The following SEPTIN2 variants were observed in gnomAD, a reference collection of about 807,000 sequenced individuals.
SEPTIN2 encodes septin 2.
SEPTIN2 carries 34 observed loss-of-function variants against 46.5 expected under a neutral mutation model. That is an observed-to-expected ratio of 0.73 (90% CI 0.56 to 0.97). The LOEUF (loss-of-function observed/expected upper bound fraction) is 0.97. SEPTIN2 is among the 50% of genes least tolerant of loss of function. The pLI, the probability that SEPTIN2 is intolerant of heterozygous loss-of-function variation, is 0.00. For synonymous variants in SEPTIN2, 175 were observed against 153.4 expected (o/e 1.14, Z -1.04); for missense variants, 347 against 448.4 (o/e 0.77, Z 2.04).
At chr2:241,338,877 A>ATATCTATAATATATATTATATATAT (rs1232821689) in intron 7 of SEPTIN2, among the ~76,000 whole-genome samples, 23 of 64,520 alleles carry the variant, frequency 3.6e-4, no homozygotes, top group African/African-American at 1.3e-3. Flanking sequence ...TATATTTAAT[A>ATATCTATAATATATATTATATATAT]TATCTATAAT....
intron 1 of SEPTIN2, among the ~76,000 whole-genome samples, chr2:241,322,995 T>C (rs940376785): frequency 5.3e-5 from 8 of 152,180 alleles, no homozygotes; most frequent in Non-Finnish European, 8.8e-5. Flanking sequence ...TGCGTACATA[T>C]ATATATACAG....
chr2:241,349,277 A>T (rs2060560569), intron 11 of SEPTIN2, among the ~76,000 whole-genome samples: 1 of 151,470 alleles, frequency 6.6e-6, no homozygotes, highest in African/African-American at 2.4e-5. Context: ...GCTGAGGCAG[A>T]AGGATCCCCT....
At chr2:241,338,073 T>C (rs2080334913) in intron 7 of SEPTIN2, among the ~76,000 whole-genome samples, 1 of 152,220 alleles carries the variant, frequency 6.6e-6, no homozygotes, top group African/African-American at 2.4e-5. Flanking sequence ...CCATGGGAGT[T>C]AAATGACTCA....
At chr2:241,337,613 G>C (rs2080247932) in intron 6 of SEPTIN2, 60 bp from the exon 7 acceptor site, 3 of 1,579,128 alleles carry the variant, frequency 1.9e-6, no homozygotes, top group Non-Finnish European at 2.6e-6. Flanking sequence ...GATAATTTGA[G>C]AGAGAAGAGT....
intron 3 of SEPTIN2, among the ~76,000 whole-genome samples, chr2:241,333,652 C>T (rs1172635942): frequency 5.9e-5 from 9 of 151,542 alleles, no homozygotes; most frequent in African/African-American, 7.2e-5. Flanking sequence ...TACAGGCGCC[C>T]GCCACCACGC....
In SEPTIN2 at chr2:241,326,081, A is replaced by G. The variant is rs780994814; in HGVS notation, c.98A>G (p.Lys33Arg). The change falls in exon 3 of 13, where the codon AAA (lysine) becomes AGA (arginine). Residue 33 changes from lysine to arginine, a missense_variant. Coordinates refer to ENST00000391971, the MANE Select transcript of SEPTIN2 (RefSeq NM_004404.5). ...LPNQVHRKSV[K>R]KGFEFTLMVV... Reference sequence around the variant, plus strand: ...AATCAAGTTCACCGAAAATCAGTGAAAAAAGGTTTTGAGTTCACACTGATG... The same window carrying G: ...AATCAAGTTCACCGAAAATCAGTGAGAAAAGGTTTTGAGTTCACACTGATG... 3 of 1,613,924 alleles carry G rather than the reference A, an allele frequency of 1.9e-6. No homozygotes were observed. The highest frequency in any genetic ancestry group is 2.2e-5 in the South Asian group (2 of 91,040).
chr2:241,322,054 T>C (rs1160374781), intron 1 of SEPTIN2, among the ~76,000 whole-genome samples: 1 of 152,180 alleles, frequency 6.6e-6, no homozygotes, highest in Non-Finnish European at 1.5e-5. Flanking sequence ...ACACTGGGGA[T>C]GCAGGGATCT....
intron 1 of SEPTIN2, chr2:241,317,649 AT>A: frequency 1.4e-6 from 1 of 730,616 alleles, no homozygotes; most frequent in Non-Finnish European, 1.7e-6. Flanking sequence ...CATGCCACTT[AT>A]CCCTGCCCCA....
chr2:241,335,869 T>G, intron 4 of SEPTIN2, 106 bp from the exon 5 acceptor site: 1 of 1,424,292 alleles, frequency 7.0e-7, no homozygotes, highest in African/African-American at 1.4e-5. Flanking sequence ...TTGGAGAACC[T>G]ACCTCTGTAG....
intron 1 of SEPTIN2, 114 bp from the exon 2 acceptor site, chr2:241,324,102 G>T: frequency 1.1e-6 from 1 of 905,144 alleles, no homozygotes; most frequent in East Asian, 2.5e-5. Flanking sequence ...TTTTTACATT[G>T]CCTATGTATG....
At chr2:241,346,794 G>T (rs1292052188) in intron 10 of SEPTIN2, among the ~76,000 whole-genome samples, 2 of 151,956 alleles carry the variant, frequency 1.3e-5, no homozygotes, top group African/African-American at 2.4e-5. Context: ...CCAGAGGCTT[G>T]TGTCGAGTTC....
intron 1 of SEPTIN2, chr2:241,318,125 AAAAAAAACAGG>A (rs1434533868): frequency 6.7e-6 from 1 of 149,516 alleles, no homozygotes; most frequent in Non-Finnish European, 1.5e-5. Flanking sequence ...GTTTCAGAAA[AAAAAAAACAGG>A]AAAAAAAAAA....
chr2:241,326,186 C>T lies in SEPTIN2; in HGVS notation c.130+73C>T, dbSNP rs1216248533. ...CTTTCCAATCTCTGGAGTATGATAA[C>T]GTGACCTATAAAGAAAGAGGAAAAT... On this transcript the variant is annotated intron_variant, in intron 3 of 12. Transcript: ENST00000391971. 39 of 1,409,372 alleles carry T rather than the reference C, an allele frequency of 2.8e-5. 1 individual carries two copies. The highest frequency in any genetic ancestry group is 2.5e-4 in the South Asian group (17 of 68,498). The allele number at this position is 1,409,372 out of a possible 1,614,324, so 87.3% of individuals were successfully genotyped here.
intron 7 of SEPTIN2, 101 bp downstream of exon 7, chr2:241,337,891 G>C: frequency 1.4e-6 from 1 of 712,498 alleles, no homozygotes; most frequent in East Asian, 2.8e-5. Flanking sequence ...CAGGTGTCGG[G>C]AGGCAGGGCG....
intron 1 of SEPTIN2, 80 bp from the exon 2 acceptor site, chr2:241,324,136 C>T: frequency 7.5e-7 from 1 of 1,326,738 alleles, no homozygotes; most frequent in Non-Finnish European, 1.1e-6. Context: ...CAGGTCAGTT[C>T]ACGCTGTTAA....
rs79091937 is a variant in SEPTIN2 at position 241,317,353 on chromosome 2, G to A, written c.-18+1371G>A. The A allele has an allele frequency of 2.5e-3, 427 of 173,908 alleles. 17 individuals are homozygous for A. In the East Asian group the frequency reaches 0.074, roughly 30 times the overall value. 10.8% of individuals were successfully genotyped at this position (173,908 alleles called of 1,614,324 possible). ...TTTCTCTCACCAGTGCCACAGCCAG[G>A]AATAAAGAACAAGAGCGTTTTAATT... On this transcript the variant is annotated intron_variant, in intron 1 of 12. Coordinates refer to ENST00000391971, the MANE Select transcript of SEPTIN2 (RefSeq NM_004404.5).
chr2:241,340,331 C>T (rs2081086284), intron 7 of SEPTIN2, among the ~76,000 whole-genome samples: 1 of 152,178 alleles, frequency 6.6e-6, no homozygotes, highest in Non-Finnish European at 1.5e-5. Context: ...TGACTTAACA[C>T]ATATACTTAT....
Position 241,353,614 on chromosome 2 carries a change from T to C in SEPTIN2, c.*1677T>C, listed in dbSNP as rs188670532. 2.0e-5 allele frequency: 3 copies of C among 152,480 alleles called. No individual in the cohort carries two copies. Among genetic ancestry groups the C allele is most frequent in the East Asian group, 1.9e-4 (1 of 5,194 alleles). 9.4% of individuals were successfully genotyped at this position (152,480 alleles called of 1,614,324 possible). A position where few individuals can be genotyped will look rare whatever the true frequency, so the allele number is the denominator to read the frequency against. On this transcript the variant is annotated 3_prime_UTR_variant, in exon 13 of 13. Transcript: ENST00000391971. ...GTGAACAGCCAAAAGCTATATGTTATGGCTTATTGTGTGAAGGTAACTAAG... is the reference window on the plus strand; with the variant it reads ...GTGAACAGCCAAAAGCTATATGTTACGGCTTATTGTGTGAAGGTAACTAAG...
In SEPTIN2 at chr2:241,346,246, G is replaced by T. The variant is rs1185136214; in HGVS notation, c.923G>T (p.Gly308Val). 3 of 1,613,242 alleles carry T rather than the reference G, an allele frequency of 1.9e-6. No homozygotes were observed. In the South Asian group the frequency reaches 3.3e-5, roughly 18 times the overall value. ...CGTTCTGAGAGACTCAAGAGAGGCGGCAGGTCATCACACTGTGCCCCTTTC... is the reference window on the plus strand; with the variant it reads ...CGTTCTGAGAGACTCAAGAGAGGCGTCAGGTCATCACACTGTGCCCCTTTC... ...NFRSERLKRG[G>V]RKVENEDMNK... Residue 308 changes from glycine to valine, a missense_variant, in exon 10 of 13, where the codon GGC (glycine) becomes GTC (valine). Transcript: ENST00000391971.
Sources: allele counts gnomAD v4.1 joint callset (sites outside exome capture counted in the v4.1 genomes callset), GRCh38; gene constraint gnomAD v4.1.1; transcripts MANE v1.5; gene names NCBI Gene and HGNC (gene_info 2026-07-23, HGNC 2026-07-21).